NAA11: variants seen among roughly 807,000 people sequenced by gnomAD.
NAA11 encodes N-alpha-acetyltransferase 11, NatA catalytic subunit.
A neutral mutation model predicts 16.1 loss-of-function variants in NAA11; 15 were observed. That is an observed-to-expected ratio of 0.93 (90% CI 0.62 to 1.44). The LOEUF is 1.44. NAA11 is among the 40% of genes most tolerant of loss of function. The pLI, the probability that NAA11 is intolerant of heterozygous loss-of-function variation, is 0.00. For synonymous variants in NAA11, 122 were observed against 112.4 expected (o/e 1.09, Z -0.54); for missense variants, 298 against 291.3 (o/e 1.02, Z -0.17).
chr4:79,319,370 TA>T lies in NAA11; in HGVS notation c.*13-1580del, dbSNP rs958655070. On this transcript the variant is annotated intron_variant, in intron 1 of 1. Coordinates refer to ENST00000286794, the MANE Select transcript of NAA11 (RefSeq NM_032693.3). Reference sequence around the variant, plus strand: ...GAAACAGAATACTATGGCTTTACTTTAAAAAAAAATCCTATAATTTTCCAAA... The same window carrying T: ...GAAACAGAATACTATGGCTTTACTTTAAAAAAAATCCTATAATTTTCCAAA... 5.9e-5 allele frequency among the ~76,000 whole-genome samples: 9 copies of T among 151,808 alleles called. 1 individual carries two copies. Among genetic ancestry groups the T allele is most frequent in the Middle Eastern group, 3.4e-3 (1 of 290 alleles).
chr4:79,280,692 G>C (rs1722766106), intron 2 of NAA11, among the ~76,000 whole-genome samples: 1 of 151,990 alleles, frequency 6.6e-6, no homozygotes, highest in Admixed American at 6.6e-5. Flanking sequence ...TGTGGAGTTT[G>C]AGGACAAAGG....
chr4:79,285,310 T>C (rs1937667713), intron 2 of NAA11, among the ~76,000 whole-genome samples: 1 of 152,138 alleles, frequency 6.6e-6, no homozygotes, highest in African/African-American at 2.4e-5. Context: ...TTTAAAACTA[T>C]GCAGTGTTTT....
chr4:79,288,603 G>A (rs1028909380), intron 2 of NAA11, among the ~76,000 whole-genome samples: 16 of 152,116 alleles, frequency 1.1e-4, no homozygotes, highest in Non-Finnish European at 4.4e-5. Context: ...GAGAAAATAT[G>A]AATAAATACG....
chr4:79,259,068 A>G (rs1235115118), intron 2 of NAA11: 1 of 157,986 alleles, frequency 6.3e-6, no homozygotes, highest in Non-Finnish European at 1.4e-5. Flanking sequence ...CCTCTGAGCT[A>G]TTCTGACACT....
chr4:79,178,473 A>G, the NAA11 span, among the ~76,000 whole-genome samples: 1 of 152,232 alleles, frequency 6.6e-6, no homozygotes, highest in Admixed American at 6.5e-5. Context: ...ACCTATGTCA[A>G]ATACTTTGGA....
chr4:79,230,926 A>G (rs1453494591), intron 2 of NAA11, among the ~76,000 whole-genome samples: 1 of 152,006 alleles, frequency 6.6e-6, no homozygotes, highest in Non-Finnish European at 1.5e-5. Flanking sequence ...ATTTTATTAG[A>G]GCCCCCTGTT....
chr4:79,289,465 C>T (rs1428784960), intron 2 of NAA11, among the ~76,000 whole-genome samples: 2 of 152,194 alleles, frequency 1.3e-5, no homozygotes, highest in Non-Finnish European at 2.9e-5. Context: ...AAGTGCTTAC[C>T]ATGCAGCAGT....
At chr4:79,167,026 C>T in the NAA11 span, among the ~76,000 whole-genome samples, 1 of 143,430 alleles carries the variant, frequency 7.0e-6, no homozygotes, top group Non-Finnish European at 1.5e-5. Flanking sequence ...GAATTAGTCA[C>T]ATGATTATGG....
chr4:79,167,401 G>A, the NAA11 span, among the ~76,000 whole-genome samples: 1 of 150,036 alleles, frequency 6.7e-6, no homozygotes, highest in Non-Finnish European at 1.5e-5. Context: ...CTTAACATCA[G>A]TCTAAATCAA....
the NAA11 span, among the ~76,000 whole-genome samples, chr4:79,173,827 T>C: frequency 6.6e-6 from 1 of 152,154 alleles, no homozygotes; most frequent in African/African-American, 2.4e-5. Context: ...ATATGTTATT[T>C]ATAAGGTTAA....
At chr4:79,263,349 A>G (rs538142233) in intron 2 of NAA11, among the ~76,000 whole-genome samples, 1 of 152,160 alleles carries the variant, frequency 6.6e-6, no homozygotes, top group Non-Finnish European at 1.5e-5. Context: ...AACAATGAGC[A>G]ATGACTAGAA....
the NAA11 span, among the ~76,000 whole-genome samples, chr4:79,168,815 G>A: frequency 1.1e-4 from 17 of 152,236 alleles, no homozygotes; most frequent in Middle Eastern, 3.4e-3. Flanking sequence ...CTCCCATTCT[G>A]TAGGTTGCCT....
At chr4:79,214,796 T>A in the NAA11 span, among the ~76,000 whole-genome samples, 2 of 150,920 alleles carry the variant, frequency 1.3e-5, no homozygotes, top group Non-Finnish European at 3.0e-5. Context: ...AGACTCCATC[T>A]AAAAAAAAAT....
At chr4:79,172,667 C>G in the NAA11 span, among the ~76,000 whole-genome samples, 1 of 152,030 alleles carries the variant, frequency 6.6e-6, no homozygotes, top group Non-Finnish European at 1.5e-5. Flanking sequence ...CCAAAATTAC[C>G]TGGGGTAGCT....
intron 2 of NAA11, among the ~76,000 whole-genome samples, chr4:79,269,556 T>C (rs1298004591): frequency 6.6e-6 from 1 of 150,472 alleles, no homozygotes; most frequent in Non-Finnish European, 1.5e-5. Context: ...GTTGTTTGTT[T>C]TTTTCTTGTA....
chr4:79,256,652 A>ATATATATATATATATATT (rs1722118078), intron 2 of NAA11, among the ~76,000 whole-genome samples: 1 of 27,432 alleles, frequency 3.6e-5, no homozygotes, highest in African/African-American at 8.6e-5. Flanking sequence ...ATAAATATAA[A>ATATATATATATATATATT]TATATATATA....
At chr4:79,167,282 G>T in the NAA11 span, among the ~76,000 whole-genome samples, 496 of 142,678 alleles carry the variant, frequency 3.5e-3, 3 homozygotes, top group African/African-American at 0.011. Flanking sequence ...GAGAGAGAGA[G>T]AGAGAGAGAG....
intron 1 of NAA11, among the ~76,000 whole-genome samples, chr4:79,296,641 A>G (rs1446212313): frequency 6.6e-6 from 1 of 152,114 alleles, no homozygotes; most frequent in Non-Finnish European, 1.5e-5. Flanking sequence ...CCCTTGCTCA[A>G]AAATTGACCA....
rs572179047 is a variant in NAA11, at chr4:79,302,911, T to C, written c.*13-8797A>G. 2.0e-5 allele frequency among the ~76,000 whole-genome samples: 3 copies of C among 151,972 alleles called. No individual in the cohort carries two copies. The East Asian group carries it at 5.8e-4, about 29-fold the overall frequency. ...AAATGCTCATCCCTGGATCGTTAGATAAGACAGAAATAAAATTCTATTTTG... is the reference window on the plus strand; with the variant it reads ...AAATGCTCATCCCTGGATCGTTAGACAAGACAGAAATAAAATTCTATTTTG... On this transcript the variant is annotated intron_variant and NMD_transcript_variant, in intron 1 of 2. Transcript: ENST00000511542.
Sources: allele counts gnomAD v4.1 joint callset (sites outside exome capture counted in the v4.1 genomes callset), GRCh38; gene constraint gnomAD v4.1.1; transcripts MANE v1.5; gene names NCBI Gene and HGNC (gene_info 2026-07-23, HGNC 2026-07-21).